Variants in GNAI2 observed in about 807,000 individuals in gnomAD.
GNAI2 encodes G protein subunit alpha i2, also known as guanine nucleotide-binding protein G(i) subunit alpha-2.
GNAI2 carries 4 observed loss-of-function variants against 36.8 expected under a neutral mutation model. The observed-to-expected ratio is 0.11, with a 90% CI of 0.05 to 0.25. The LOEUF is 0.25. Among genes scored for constraint, GNAI2 ranks in the 10% least tolerant of loss-of-function variants. The pLI is 1.00. For missense variants in GNAI2, 230 were observed against 481.3 expected (o/e 0.48, Z 4.89); for synonymous variants, 194 against 194.1 (o/e 1.00, Z 0.01).
upstream of GNAI2, chr3:50,229,887 GTT>G (rs1279929203): frequency 1.3e-5 from 2 of 152,292 alleles, no homozygotes; most frequent in Non-Finnish European, 2.9e-5. Context: ...TTACCATAGG[GTT>G]CTCAGCACAT....
In GNAI2 at chr3:50,255,816, C is replaced by T. The variant is rs1700681363; in HGVS notation, c.465-376C>T. On this transcript the variant is annotated intron_variant, in intron 4 of 8. Transcript: ENST00000313601. This position sits in a 1 kb window ranked among gnomAD's most constrained non-coding sequence, Gnocchi z 4.0. ...CTGTAATCCCAGCACTCTGGGAGGC[C>T]GAGGTGGGCGGATCACCTGAGGTTG... Among the ~76,000 whole-genome samples, 1 of 152,052 alleles carries T rather than the reference C, an allele frequency of 6.6e-6. No individual in the cohort carries two copies. Among genetic ancestry groups the T allele is most frequent in the East Asian group, 1.9e-4 (1 of 5,166 alleles).
At chr3:50,227,265 G>C, upstream of GNAI2, 1 of 817,932 alleles carries the variant, frequency 1.2e-6, no homozygotes, top group Admixed American at 3.8e-5. The surrounding 1 kb of genome is among the most constrained non-coding windows in gnomAD (Gnocchi z 5.9). Flanking sequence ...GGGGGATGGG[G>C]TGCCACAGAG....
At chr3:50,254,513 C>A (rs1008039159) in intron 4 of GNAI2, among the ~76,000 whole-genome samples, 7 of 152,156 alleles carry the variant, frequency 4.6e-5, no homozygotes, top group Non-Finnish European at 8.8e-5. Flanking sequence ...CTCCTCCTAC[C>A]CTTCTTACAT....
At chr3:50,257,158 G>A in intron 7 of GNAI2, 68 bp downstream of exon 7, 2 of 1,453,598 alleles carry the variant, frequency 1.4e-6, no homozygotes, top group African/African-American at 2.8e-5. Flanking sequence ...ATGGTGACCA[G>A]GTGGCCCTCA....
At chr3:50,230,016 A>G (rs1281278493), upstream of GNAI2, 3 of 152,278 alleles carry the variant, frequency 2.0e-5, no homozygotes, top group Non-Finnish European at 4.4e-5. Flanking sequence ...TGCCTAATCC[A>G]GAAGCTTATG....
chr3:50,234,062 A>ATTTTTTTTTT, upstream of GNAI2, among the ~76,000 whole-genome samples: 1 of 82,496 alleles, frequency 1.2e-5, no homozygotes, highest in Non-Finnish European at 2.4e-5. Flanking sequence ...CGCCCAGCTG[A>ATTTTTTTTTT]TTTTTTTTTT....
At chr3:50,239,360 C>T (rs782756711) in intron 1 of GNAI2, among the ~76,000 whole-genome samples, 15 of 152,220 alleles carry the variant, frequency 9.9e-5, no homozygotes, top group Non-Finnish European at 1.5e-5. Flanking sequence ...GGGATCACCT[C>T]CCAGGATCCT....
At chr3:50,243,178 G>T (rs1700334286) in intron 1 of GNAI2, among the ~76,000 whole-genome samples, 1 of 152,256 alleles carries the variant, frequency 6.6e-6, no homozygotes. Context: ...TCTAGTGGCG[G>T]TCACTGAGTT....
At position 50,257,522 on chromosome 3, in the gene GNAI2, A is replaced by C. The variant is rs2109221602; in HGVS notation, c.900A>C (p.Ala300=). 6.4e-7 allele frequency: 1 copy of C among 1,568,918 alleles called. No homozygotes were observed. The highest frequency in any genetic ancestry group is 8.7e-7 in the Non-Finnish European group (1 of 1,154,104). The change falls in exon 8 of 9, where the codon GCA becomes GCC. Residue 300 remains alanine (A), a synonymous_variant. Coordinates refer to ENST00000313601, the MANE Select transcript of GNAI2 (RefSeq NM_002070.4). ...EYTGANKYDE[A]ASYIQSKFED... ...CAGGGGCCAACAAATATGATGAGGC[A>C]GCCAGCTACATCCAGAGTAAGTTTG...
Position 50,244,785 on chromosome 3 carries a change from G to A in GNAI2, c.119-7315G>A, listed in dbSNP as rs1038477294. ...TTCTGCTGTGTTGCCAGGCCAGGCC[G>A]TAAGGGACTGAGGGGGCTGAGGAAG... is the stretch of plus-strand genomic sequence containing the variant. On this transcript the variant is annotated intron_variant, in intron 1 of 8. Coordinates refer to ENST00000313601, the MANE Select transcript of GNAI2 (RefSeq NM_002070.4). 4.6e-5 allele frequency among the ~76,000 whole-genome samples: 7 copies of A among 152,296 alleles called. No individual in the cohort carries two copies. In the East Asian group the frequency reaches 1.2e-3, roughly 25 times the overall value.
chr3:50,236,684 A>G lies in GNAI2; in HGVS notation c.118+231A>G, dbSNP rs1553700441. 6.6e-6 allele frequency among the ~76,000 whole-genome samples: 1 copy of G among 151,942 alleles called. No homozygotes were observed. Among genetic ancestry groups the G allele is most frequent in the African/African-American group, 2.4e-5 (1 of 41,346 alleles). On this transcript the variant is annotated intron_variant, in intron 1 of 8. Transcript: ENST00000313601. This position sits in a 1 kb window ranked among gnomAD's most constrained non-coding sequence, Gnocchi z 4.0. ...GACCCCAGACCTCCAAATCCAGTCA[A>G]CAGTGCCCCAACACCCGCGGTCCAG...
upstream of GNAI2, among the ~76,000 whole-genome samples, chr3:50,234,669 T>A (rs1700127536): frequency 6.6e-6 from 1 of 152,074 alleles, no homozygotes; most frequent in South Asian, 2.1e-4. Flanking sequence ...TGTACCAAGG[T>A]TCTAAGGAAG....
chr3:50,244,297 G>A (rs1417255630), intron 1 of GNAI2, among the ~76,000 whole-genome samples: 1 of 152,194 alleles, frequency 6.6e-6, no homozygotes, highest in African/African-American at 2.4e-5. Flanking sequence ...CCAGAGTGCT[G>A]GGATTACAGG....
At position 50,252,380 on chromosome 3, in the gene GNAI2, TG is replaced by T. The variant is rs781941020; in HGVS notation, c.162-15del. 9 of 1,613,384 alleles carry T rather than the reference TG, an allele frequency of 5.6e-6. No homozygotes were observed. In the South Asian group the frequency reaches 9.9e-5, roughly 18 times the overall value. On this transcript the variant is annotated splice_polypyrimidine_tract_variant and intron_variant, in intron 2 of 8. Transcript: ENST00000313601. The surrounding 1 kb of genome is among the most constrained non-coding windows in gnomAD (Gnocchi z 4.1). ...AGTGCCCAGGGGACACTAACCTTCC[TG>T]GTCCCTGGCTATCAGGATCATCCAC...
intron 1 of GNAI2, among the ~76,000 whole-genome samples, chr3:50,250,100 C>T (rs1479518965): frequency 2.0e-5 from 3 of 152,178 alleles, no homozygotes; most frequent in African/African-American, 7.2e-5. Context: ...CTCAGCCTCC[C>T]TGGACCTCAG....
chr3:50,246,816 A>G, intron 1 of GNAI2: 1 of 1,007,792 alleles, frequency 9.9e-7, no homozygotes, highest in Non-Finnish European at 1.4e-6. Context: ...CTGGGCAGGA[A>G]GGAGGCCCCA....
At chr3:50,246,870 C>T (rs1368749778) in intron 1 of GNAI2, 3 of 1,428,372 alleles carry the variant, frequency 2.1e-6, no homozygotes, top group Non-Finnish European at 2.7e-6. Flanking sequence ...AGTGACGACA[C>T]AGCGGAAAGC....
At chr3:50,251,827 G>A in intron 1 of GNAI2, 2 of 1,279,400 alleles carry the variant, frequency 1.6e-6, no homozygotes, top group South Asian at 1.5e-5. Context: ...GGACAGTGGG[G>A]AGCCATGGTG....
chr3:50,231,457 T>C (rs1700065993), upstream of GNAI2, among the ~76,000 whole-genome samples: 1 of 152,232 alleles, frequency 6.6e-6, no homozygotes, highest in Non-Finnish European at 1.5e-5. Flanking sequence ...TTTTGTATTT[T>C]TAGTAGAGAT....
Sources: allele counts gnomAD v4.1 joint callset (sites outside exome capture counted in the v4.1 genomes callset), GRCh38; gene constraint gnomAD v4.1.1; non-coding constraint Gnocchi (gnomAD v3.1); transcripts MANE v1.5; gene names NCBI Gene and HGNC (gene_info 2026-07-23, HGNC 2026-07-21).